Variants in RGS9 observed in about 807,000 individuals in gnomAD.
RGS9 encodes the protein regulator of G protein signaling 9.
In RGS9, 78 loss-of-function variants were observed where a neutral mutation model predicts 102.0. That is an observed-to-expected ratio of 0.76 (90% CI 0.64 to 0.92). The LOEUF is 0.92. Among genes scored for constraint, RGS9 ranks in the 40% least tolerant of loss-of-function variants. The pLI is 0.00. For missense variants in RGS9, 833 were observed against 866.1 expected (o/e 0.96, Z 0.48); for synonymous variants, 353 against 318.6 (o/e 1.11, Z -1.15).
chr17:65,160,749 C>A (rs1322235610), intron 5 of RGS9, 102 bp from the exon 6 acceptor site: 1 of 1,410,874 alleles, frequency 7.1e-7, no homozygotes, highest in Non-Finnish European at 1.0e-6. Context: ...GTGTGCTGAG[C>A]GTTCTCTCCC....
intron 1 of RGS9, among the ~76,000 whole-genome samples, chr17:65,148,199 T>G (rs1424431417): frequency 6.6e-6 from 1 of 152,246 alleles, no homozygotes; most frequent in African/African-American, 2.4e-5. Context: ...CCTATTTCAC[T>G]TAGCATAATT....
At chr17:65,152,988 A>T (rs1311049932) in intron 1 of RGS9, among the ~76,000 whole-genome samples, 1 of 152,150 alleles carries the variant, frequency 6.6e-6, no homozygotes, top group Non-Finnish European at 1.5e-5. Flanking sequence ...TAAAATCCAC[A>T]CTGCAGGGGT....
intron 9 of RGS9, among the ~76,000 whole-genome samples, chr17:65,183,107 T>TCTATCTATCTATCCATCTAC (rs1244331226): frequency 1.9e-4 from 23 of 120,242 alleles, no homozygotes; most frequent in African/African-American, 6.1e-4. Flanking sequence ...TATCTATCTA[T>TCTATCTATCTATCCATCTAC]CTACCTACCT....
intron 1 of RGS9, among the ~76,000 whole-genome samples, chr17:65,144,394 A>C (rs890459707): frequency 6.6e-6 from 1 of 152,076 alleles, no homozygotes; most frequent in African/African-American, 2.4e-5. Flanking sequence ...CTCATTTCTG[A>C]TCCCTCTGTG....
In RGS9 at chr17:65,225,245, C is replaced by T. The variant is rs1905593816; in HGVS notation, c.1651C>T (p.Pro551Ser). The T allele has an allele frequency of 6.2e-7, 1 of 1,609,858 alleles. No individual in the cohort carries two copies. Among genetic ancestry groups the T allele is most frequent in the Non-Finnish European group, 8.5e-7 (1 of 1,179,958 alleles). ...CAGCGGGTCCATGGCCCCCCGTGGG[C>T]CCTCTGTCACCGAGAGCAGCGAGGC... ...ECSGSMAPRG[P>S]SVTESSEASL... The change falls in exon 18 of 19, where the codon CCC becomes TCC. Residue 551 changes from proline (P) to serine (S), a missense_variant. Transcript: ENST00000262406.
intron 1 of RGS9, among the ~76,000 whole-genome samples, chr17:65,152,800 G>T (rs1468384550): frequency 6.6e-6 from 1 of 152,262 alleles, no homozygotes; most frequent in East Asian, 1.9e-4. Flanking sequence ...CAGATTTTGG[G>T]ATTACAGGCG....
At chr17:65,201,926 T>C in intron 13 of RGS9, 67 bp from the exon 14 acceptor site, 1 of 1,092,242 alleles carries the variant, frequency 9.2e-7, no homozygotes, top group East Asian at 2.4e-5. Context: ...TTTCTTTTAT[T>C]TCCTCTTTTC....
chr17:65,159,494 G>A (rs1034380790), intron 3 of RGS9, among the ~76,000 whole-genome samples: 1 of 152,244 alleles, frequency 6.6e-6, no homozygotes, highest in East Asian at 1.9e-4. Context: ...GGGAGGGCTG[G>A]GGAGGAAGTC....
chr17:65,215,437 A>G (rs549776995), intron 17 of RGS9, among the ~76,000 whole-genome samples: 1 of 152,194 alleles, frequency 6.6e-6, no homozygotes, highest in East Asian at 1.9e-4. Flanking sequence ...CATTCATGTA[A>G]TCAACATTTA....
intron 1 of RGS9, among the ~76,000 whole-genome samples, chr17:65,148,992 C>G (rs1910475166): frequency 6.6e-6 from 1 of 152,070 alleles, no homozygotes. Context: ...GGCAAGGTCT[C>G]TCTCTGTTGC....
chr17:65,216,041 C>G (rs539966653), intron 17 of RGS9, among the ~76,000 whole-genome samples: 1 of 152,200 alleles, frequency 6.6e-6, no homozygotes, highest in South Asian at 2.1e-4. Flanking sequence ...CTGGAGGCAT[C>G]GGGGAAACTG....
intron 2 of RGS9, among the ~76,000 whole-genome samples, chr17:65,156,627 C>A (rs991456953): frequency 3.9e-5 from 6 of 152,202 alleles, no homozygotes; most frequent in African/African-American, 1.2e-4. Context: ...CAACGTAGAC[C>A]GCGTGGTACA....
intron 1 of RGS9, among the ~76,000 whole-genome samples, chr17:65,145,183 C>T (rs967640558): frequency 1.4e-4 from 21 of 152,190 alleles, no homozygotes; most frequent in Middle Eastern, 3.4e-3. Flanking sequence ...CTCCACCGCC[C>T]GGGTTCAAGC....
chr17:65,158,638 G>A, intron 3 of RGS9: 1 of 491,434 alleles, frequency 2.0e-6, no homozygotes, highest in Non-Finnish European at 3.7e-6. Flanking sequence ...AAGAAGTGAT[G>A]CTTGTGAATT....
At chr17:65,212,103 G>A (rs1033504253) in intron 17 of RGS9, among the ~76,000 whole-genome samples, 1 of 152,164 alleles carries the variant, frequency 6.6e-6, no homozygotes, top group African/African-American at 2.4e-5. Context: ...GAATTGCAAG[G>A]GAGCAAGTAG....
rs1019043801 is a variant in RGS9, at chr17:65,200,991, A to C, written c.977-1002A>C. Among the ~76,000 whole-genome samples, 6 of 152,306 alleles carry C rather than the reference A, an allele frequency of 3.9e-5. No individual in the cohort carries two copies. The South Asian group carries it at 6.2e-4, about 16-fold the overall frequency. On this transcript the variant is annotated intron_variant, in intron 13 of 18. Coordinates refer to ENST00000262406, the MANE Select transcript of RGS9 (RefSeq NM_003835.4). ...GTTAAGTTTTTGGATTTTCTACTGC[A>C]TAATGGTCTGCGCCCTAACCCCTTA...
chr17:65,161,708 A>ATATATATT, intron 6 of RGS9, among the ~76,000 whole-genome samples: 1 of 137,306 alleles, frequency 7.3e-6, no homozygotes, highest in South Asian at 2.1e-4. Flanking sequence ...TTTTATTTAT[A>ATATATATT]TATTTATTTA....
At chr17:65,201,880 C>T (rs1912863131) in intron 13 of RGS9, 113 bp from the exon 14 acceptor site, 1 of 751,006 alleles carries the variant, frequency 1.3e-6, no homozygotes, top group African/African-American at 1.7e-5. Context: ...AAGGTGTTCA[C>T]TGAGCTGGGA....
chr17:65,208,628 A>G (rs1293556405), intron 16 of RGS9, among the ~76,000 whole-genome samples: 1 of 152,188 alleles, frequency 6.6e-6, no homozygotes. Flanking sequence ...TTCAATCTAC[A>G]AGGATTGAAG....
Sources: allele counts gnomAD v4.1 joint callset (sites outside exome capture counted in the v4.1 genomes callset), GRCh38; gene constraint gnomAD v4.1.1; transcripts MANE v1.5; gene names NCBI Gene and HGNC (gene_info 2026-07-23, HGNC 2026-07-21).